Variants in CHSY3 observed in about 807,000 individuals in gnomAD.
CHSY3 encodes N-acetylgalactosaminyl-proteoglycan 3-beta-glucuronosyltransferase 3.
In CHSY3, 35 loss-of-function variants were observed where a neutral mutation model predicts 67.2. That is an observed-to-expected ratio of 0.52 (90% confidence interval 0.40 to 0.69). CHSY3 has a LOEUF of 0.69. CHSY3 is among the 30% of genes least tolerant of loss of function. CHSY3 has a pLI of 0.00. For synonymous variants in CHSY3, 474 were observed against 434.7 expected, an observed-to-expected ratio of 1.09 and a Z score of -1.12; for missense variants, 1,069 against 1,138.5, an observed-to-expected ratio of 0.94 and a Z score of 0.88.
intron 2 of CHSY3, among the ~76,000 whole-genome samples, chr5:130,065,148 T>C (rs1765842399): frequency 6.6e-6 from 1 of 152,112 alleles, no homozygotes; most frequent in African/African-American, 2.4e-5. Flanking sequence ...TTTTAAAGTG[T>C]TTTTTTATGG....
chr5:130,032,364 T>C (rs926708351), intron 2 of CHSY3, among the ~76,000 whole-genome samples: 3 of 152,160 alleles, frequency 2.0e-5, no homozygotes, highest in Non-Finnish European at 2.9e-5. Flanking sequence ...AAAAATATTT[T>C]GTTAGATTGT....
At chr5:130,182,285 G>C (rs923537594) in intron 2 of CHSY3, among the ~76,000 whole-genome samples, 1 of 151,970 alleles carries the variant, frequency 6.6e-6, no homozygotes, top group African/African-American at 2.4e-5. Context: ...TTGAGTATTT[G>C]CATACTCTTT....
At chr5:130,181,871 TG>T (rs1215019608) in intron 2 of CHSY3, among the ~76,000 whole-genome samples, 2 of 152,184 alleles carry the variant, frequency 1.3e-5, no homozygotes, top group African/African-American at 4.8e-5. Flanking sequence ...ATTGATGTAT[TG>T]TTTTTCATTA....
rs1394259440 is a variant in CHSY3, at chr5:130,152,215, T to C, written c.1087-32014T>C. ...CAGCATTAACGTTTAATATTTACTA[T>C]AAGGAAAAAATAATAGCAGAATAGT... On this transcript the variant is annotated intron_variant, in intron 2 of 2. Coordinates refer to ENST00000305031, the MANE Select transcript of CHSY3 (RefSeq NM_175856.5). Among the ~76,000 whole-genome samples, 6 of 152,282 alleles carry C rather than the reference T, an allele frequency of 3.9e-5. No individual in the cohort carries two copies. In the South Asian group the frequency reaches 1.0e-3, roughly 26 times the overall value.
At chr5:130,035,442 GTATT>G (rs1302564968) in intron 2 of CHSY3, among the ~76,000 whole-genome samples, 1 of 152,070 alleles carries the variant, frequency 6.6e-6, no homozygotes, top group Non-Finnish European at 1.5e-5. Context: ...TATGCATTTG[GTATT>G]TATTTGTCAG....
intron 2 of CHSY3, among the ~76,000 whole-genome samples, chr5:130,091,144 G>GCACACA (rs142056276): frequency 3.2e-4 from 44 of 136,882 alleles, no homozygotes; most frequent in Middle Eastern, 3.5e-3. Flanking sequence ...ACGCACACGC[G>GCACACA]CGCACACACA....
chr5:130,016,330 C>G (rs559165567), intron 2 of CHSY3, among the ~76,000 whole-genome samples: 1 of 152,178 alleles, frequency 6.6e-6, no homozygotes, highest in Admixed American at 6.5e-5. Context: ...CTGGAGTGAA[C>G]AGATAAAGTA....
chr5:130,112,457 C>T (rs899745120), intron 2 of CHSY3, among the ~76,000 whole-genome samples: 2 of 152,038 alleles, frequency 1.3e-5, no homozygotes, highest in Admixed American at 1.3e-4. Flanking sequence ...TTCTAAGTTT[C>T]AAGTTTCTGC....
At chr5:130,025,982 T>G (rs1224666312) in intron 2 of CHSY3, among the ~76,000 whole-genome samples, 1 of 152,094 alleles carries the variant, frequency 6.6e-6, no homozygotes, top group East Asian at 1.9e-4. Context: ...TTTATTAACA[T>G]GGATAGCCCC....
chr5:129,992,181 T>C (rs12513704), intron 2 of CHSY3, among the ~76,000 whole-genome samples: 19,124 of 152,170 alleles, frequency 0.13, 1,494 homozygotes, highest in East Asian at 0.32. Context: ...ACAGTCTTGT[T>C]TACCATGCTA....
Position 129,905,438 on chromosome 5 carries a change from G to C in CHSY3, c.609G>C (p.Val203=), listed in dbSNP as rs1225901865. The C allele has an allele frequency of 1.2e-6, 2 of 1,611,720 alleles. No homozygotes were observed. The highest frequency in any genetic ancestry group is 1.7e-6 in the Non-Finnish European group (2 of 1,179,860). Residue 203 remains valine, a synonymous_variant, in exon 1 of 3, where the codon GTG becomes GTC. Coordinates refer to ENST00000305031, the MANE Select transcript of CHSY3 (RefSeq NM_175856.5). Reference sequence around the variant, plus strand: ...GGGCGCGTTTCATCCCGGGCCGCGTGGAGTTCTTTTCCAGCCAGCAGCCCC... The same window carrying C: ...GGGCGCGTTTCATCCCGGGCCGCGTCGAGTTCTTTTCCAGCCAGCAGCCCC... The part of the protein sequence containing the change: ...RTWARFIPGR[V]EFFSSQQPPN...
intron 2 of CHSY3, among the ~76,000 whole-genome samples, chr5:130,055,304 G>A (rs1765495392): frequency 6.9e-6 from 1 of 145,076 alleles, no homozygotes; most frequent in Admixed American, 6.9e-5. Flanking sequence ...AAGTCGTTTT[G>A]AACTATGGAT....
intron 2 of CHSY3, among the ~76,000 whole-genome samples, chr5:129,916,122 A>G (rs1282382349): frequency 2.0e-5 from 3 of 152,250 alleles, no homozygotes; most frequent in Non-Finnish European, 4.4e-5. Context: ...GTTTTAAAAT[A>G]TAACATACTC....
At chr5:130,053,265 C>G (rs1284914511) in intron 2 of CHSY3, among the ~76,000 whole-genome samples, 1 of 151,916 alleles carries the variant, frequency 6.6e-6, no homozygotes, top group Non-Finnish European at 1.5e-5. Context: ...AAGTAACAAA[C>G]AGAAAATATA....
chr5:130,015,982 A>G (rs1764209112), intron 2 of CHSY3, among the ~76,000 whole-genome samples: 1 of 152,246 alleles, frequency 6.6e-6, no homozygotes, highest in Non-Finnish European at 1.5e-5. Context: ...TAATGCAGGA[A>G]CAGAAAATCA....
intron 2 of CHSY3, among the ~76,000 whole-genome samples, chr5:130,001,126 C>T (rs909098268): frequency 6.6e-6 from 1 of 151,160 alleles, no homozygotes; most frequent in South Asian, 2.1e-4. Flanking sequence ...CTGATCTGCC[C>T]GCCTCGACCT....
At chr5:130,093,576 A>C (rs577204497) in intron 2 of CHSY3, among the ~76,000 whole-genome samples, 1 of 152,266 alleles carries the variant, frequency 6.6e-6, no homozygotes, top group South Asian at 2.1e-4. Flanking sequence ...TTGCTTACTT[A>C]TTACAACAAC....
intron 2 of CHSY3, among the ~76,000 whole-genome samples, chr5:130,172,490 C>T (rs946807367): frequency 1.3e-5 from 2 of 151,780 alleles, no homozygotes; most frequent in Non-Finnish European, 2.9e-5. Context: ...GCTACCATGC[C>T]CAGCTAATTT....
chr5:129,971,250 G>C (rs1209801219), intron 2 of CHSY3, among the ~76,000 whole-genome samples: 2 of 151,404 alleles, frequency 1.3e-5, no homozygotes, highest in Non-Finnish European at 3.0e-5. Flanking sequence ...TAATTTTATA[G>C]TAAAAGATAA....
Sources: allele counts gnomAD v4.1 joint callset (sites outside exome capture counted in the v4.1 genomes callset), GRCh38; gene constraint gnomAD v4.1.1; transcripts MANE v1.5; gene names NCBI Gene and HGNC (gene_info 2026-07-23, HGNC 2026-07-21).